The following ADAMTSL1 variants were observed in gnomAD, a reference collection of about 807,000 sequenced individuals.
ADAMTSL1 encodes the protein ADAMTS like 1.
A neutral mutation model predicts 201.8 loss-of-function variants in ADAMTSL1; 126 were observed. The ratio of observed to expected loss-of-function variants is 0.62; its 90% confidence interval spans 0.54 to 0.72. The LOEUF (loss-of-function observed/expected upper bound fraction) is 0.72. Ranked by LOEUF, ADAMTSL1 falls within the 30% of genes least tolerant of loss-of-function variation. The pLI is 0.00. For synonymous variants in ADAMTSL1, 1,121 were observed against 903.4 expected (o/e 1.24, Z -4.32); for missense variants, 2,679 against 2,277.8 (o/e 1.18, Z -3.59).
At chr9:18,312,207 T>C (rs1834184033) in intron 2 of ADAMTSL1, among the ~76,000 whole-genome samples, 1 of 152,174 alleles carries the variant, frequency 6.6e-6, no homozygotes, top group African/African-American at 2.4e-5. Context: ...ACCTGTAAGG[T>C]GGTTCCATGG....
intron 1 of ADAMTSL1, among the ~76,000 whole-genome samples, chr9:18,059,195 A>G (rs1032056623): frequency 6.6e-6 from 1 of 152,060 alleles, no homozygotes; most frequent in Admixed American, 6.6e-5. Context: ...CCCTCATCAC[A>G]TTGTCTCTCC....
chr9:18,843,590 G>A (rs2209776), intron 23 of ADAMTSL1, among the ~76,000 whole-genome samples: 133,497 of 150,310 alleles, frequency 0.89, 59,709 homozygotes, highest in African/African-American at 0.94. Context: ...CTGCCTTGCT[G>A]GATTGGGGAA....
At chr9:18,156,494 A>C (rs1196581525) in intron 1 of ADAMTSL1, among the ~76,000 whole-genome samples, 1 of 152,066 alleles carries the variant, frequency 6.6e-6, no homozygotes, top group African/African-American at 2.4e-5. Context: ...CTACCCCTGC[A>C]TGTGTATGTA....
intron 7 of ADAMTSL1, among the ~76,000 whole-genome samples, chr9:18,654,683 AAT>A (rs1828511486): frequency 6.7e-6 from 1 of 149,420 alleles, no homozygotes; most frequent in Admixed American, 6.7e-5. Context: ...AGCATTTTAA[AAT>A]AGTCTTAACA....
At chr9:18,696,255 G>T (rs576545525) in intron 13 of ADAMTSL1, among the ~76,000 whole-genome samples, 20 of 152,316 alleles carry the variant, frequency 1.3e-4, no homozygotes, top group Admixed American at 3.9e-4. Context: ...AGATGAGTGG[G>T]AGTTATTCCA....
intron 2 of ADAMTSL1, among the ~76,000 whole-genome samples, chr9:18,464,694 A>G (rs949801495): frequency 6.6e-6 from 1 of 152,224 alleles, no homozygotes; most frequent in African/African-American, 2.4e-5. Context: ...TTCATAGCCA[A>G]TTTCCTTTTC....
chr9:18,555,540 A>G (rs1045296559), intron 3 of ADAMTSL1, among the ~76,000 whole-genome samples: 12 of 151,916 alleles, frequency 7.9e-5, no homozygotes, highest in African/African-American at 2.9e-4. Flanking sequence ...TCAGGCTTGG[A>G]CGAGGCCCTT....
At position 18,043,646 on chromosome 9, in the gene ADAMTSL1, G is replaced by C. The variant is rs190101694; in HGVS notation, c.88-120216G>C. Among the ~76,000 whole-genome samples the C allele has an allele frequency of 1.3e-5, 2 of 152,110 alleles. 1 individual carries two copies. Among genetic ancestry groups the C allele is most frequent in the East Asian group, 3.9e-4 (2 of 5,162 alleles). ...GGGAAGATATGGCCAGCAGCAAAGG[G>C]CAGAAGACTACATTTGGCTTTTATA... is the stretch of plus-strand genomic sequence containing the variant. On this transcript the variant is annotated intron_variant, in intron 1 of 29. Coordinates refer to the ADAMTSL1 transcript ENST00000680146.
intron 1 of ADAMTSL1, among the ~76,000 whole-genome samples, chr9:17,985,664 A>G (rs1484240379): frequency 6.6e-6 from 1 of 152,148 alleles, no homozygotes; most frequent in Non-Finnish European, 1.5e-5. Flanking sequence ...CATATATTAC[A>G]TAATTATACA....
intron 2 of ADAMTSL1, among the ~76,000 whole-genome samples, chr9:18,252,733 G>A (rs1183393128): frequency 6.6e-6 from 1 of 152,102 alleles, no homozygotes; most frequent in African/African-American, 2.4e-5. Context: ...AAAACTTCAA[G>A]AGTAAAATTA....
At chr9:18,132,040 C>G (rs1825974534) in intron 1 of ADAMTSL1, among the ~76,000 whole-genome samples, 1 of 152,132 alleles carries the variant, frequency 6.6e-6, no homozygotes, top group Non-Finnish European at 1.5e-5. Flanking sequence ...CACCTGAGCT[C>G]TGATCTTCAT....
intron 13 of ADAMTSL1, among the ~76,000 whole-genome samples, chr9:18,691,489 A>G (rs1159112292): frequency 6.6e-6 from 1 of 152,156 alleles, no homozygotes; most frequent in African/African-American, 2.4e-5. Context: ...TCCTACCTAT[A>G]TGTTAAAAAC....
chr9:18,674,678 A>T (rs1485387601), intron 9 of ADAMTSL1, among the ~76,000 whole-genome samples: 1 of 152,090 alleles, frequency 6.6e-6, no homozygotes, highest in Admixed American at 6.5e-5. Flanking sequence ...TATTGAATAT[A>T]TCAATATTAT....
At chr9:18,249,613 C>G (rs774414878) in intron 2 of ADAMTSL1, among the ~76,000 whole-genome samples, 2 of 152,150 alleles carry the variant, frequency 1.3e-5, no homozygotes, top group Non-Finnish European at 2.9e-5. Context: ...TTGTTTCATG[C>G]TTAATTAGAA....
chr9:18,013,537 C>A (rs1395294758), intron 1 of ADAMTSL1, among the ~76,000 whole-genome samples: 1 of 151,830 alleles, frequency 6.6e-6, no homozygotes, highest in Non-Finnish European at 1.5e-5. Context: ...ATTCAAAAAC[C>A]AAACCAAAGC....
chr9:18,119,195 A>G (rs976669467), intron 1 of ADAMTSL1, among the ~76,000 whole-genome samples: 1 of 152,186 alleles, frequency 6.6e-6, no homozygotes, highest in African/African-American at 2.4e-5. Flanking sequence ...TTATTATTAA[A>G]TTAACACTTC....
intron 1 of ADAMTSL1, among the ~76,000 whole-genome samples, chr9:18,002,882 C>G (rs182993388): frequency 2.6e-5 from 4 of 152,130 alleles, no homozygotes; most frequent in East Asian, 3.9e-4. Flanking sequence ...GGGCTAAAAC[C>G]AAGATCCTTT....
chr9:18,834,053 G>A (rs1244639395), intron 23 of ADAMTSL1, among the ~76,000 whole-genome samples: 1 of 152,064 alleles, frequency 6.6e-6, no homozygotes, highest in Non-Finnish European at 1.5e-5. Flanking sequence ...CTATGTGTCT[G>A]TTTTTGTACC....
intron 2 of ADAMTSL1, among the ~76,000 whole-genome samples, chr9:18,395,906 C>T (rs1367925052): frequency 6.6e-6 from 1 of 152,164 alleles, no homozygotes; most frequent in South Asian, 2.1e-4. Context: ...AGAGGAAGTA[C>T]AAGACCCCTA....
Sources: gnomAD v4.1 joint callset for allele counts (sites outside exome capture counted in the v4.1 genomes callset) on GRCh38, gnomAD v4.1.1 for gene constraint, MANE v1.5 for transcripts, NCBI Gene and HGNC (gene_info 2026-07-23, HGNC 2026-07-21) for gene names.